Variants in SMARCB1 observed in about 807,000 individuals in gnomAD.
SMARCB1 encodes SWI/SNF-related matrix-associated actin-dependent regulator of chromatin subfamily B member 1.
In SMARCB1, 5 loss-of-function variants were observed where a neutral mutation model predicts 49.0. The observed-to-expected ratio is 0.10, with a 90% CI of 0.05 to 0.21. The LOEUF is 0.21. Among genes scored for constraint, SMARCB1 ranks in the 10% least tolerant of loss-of-function variants. The pLI, the probability that SMARCB1 is intolerant of heterozygous loss-of-function variation, is 1.00. For missense variants in SMARCB1, 226 were observed against 509.2 expected, an observed-to-expected ratio of 0.44 and a Z score of 5.35; for synonymous variants, 201 against 200.1, an observed-to-expected ratio of 1.00 and a Z score of -0.04.
intron 3 of SMARCB1, among the ~76,000 whole-genome samples, chr22:23,794,962 A>G (rs34396426): frequency 0.02 from 3,031 of 152,286 alleles, 39 homozygotes; most frequent in Non-Finnish European, 0.033. Context: ...AACAATTAAA[A>G]AACCAAGTAA....
chr22:23,816,003 G>A (rs780121953), intron 5 of SMARCB1: 1 of 152,922 alleles, frequency 6.5e-6, no homozygotes, highest in Non-Finnish European at 1.5e-5. Context: ...TTTAGGGCAG[G>A]GAGGAGATAG....
intron 3 of SMARCB1, among the ~76,000 whole-genome samples, chr22:23,799,668 A>C (rs1601400098): frequency 8.5e-6 from 1 of 117,752 alleles, no homozygotes; most frequent in Non-Finnish European, 1.8e-5. Flanking sequence ...TCCTGCCATC[A>C]CACCTGGCTA....
rs1461150197 is a variant in SMARCB1 at position 23,787,061 on chromosome 22, G to T, written c.-109G>T. On this transcript the variant is annotated 5_prime_UTR_variant, in exon 1 of 9. Coordinates refer to ENST00000644036, the MANE Select transcript of SMARCB1 (RefSeq NM_003073.5). Reference sequence around the variant, plus strand: ...GAGGCGCCAGTACCCGGCCCGGTCCGCATTTCGCCTTCCGGCTTCGGTTTC... The same window carrying T: ...GAGGCGCCAGTACCCGGCCCGGTCCTCATTTCGCCTTCCGGCTTCGGTTTC... The T allele has an allele frequency of 3.3e-5, 24 of 726,432 alleles. 1 individual carries two copies. In the South Asian group the frequency reaches 3.4e-4, roughly 10 times the overall value. 45.0% of individuals were successfully genotyped at this position (726,432 alleles called of 1,614,324 possible).
intron 5 of SMARCB1, among the ~76,000 whole-genome samples, chr22:23,809,458 G>A (rs1350262566): frequency 6.6e-6 from 1 of 151,532 alleles, no homozygotes; most frequent in African/African-American, 2.4e-5. Flanking sequence ...TGTATTTTTA[G>A]TAGAGAGGGG....
rs1348188957 is a variant in SMARCB1 at position 23,835,963 on chromosome 22, G to A, written c.*1783G>A. The A allele has an allele frequency of 1.7e-5, 17 of 985,372 alleles. No individual in the cohort carries two copies. Among genetic ancestry groups the A allele is most frequent in the Non-Finnish European group, 2.0e-5 (17 of 829,954 alleles). The allele number at this position is 985,372 out of a possible 1,614,324, so 61.0% of individuals were successfully genotyped here. On this transcript the variant is annotated 3_prime_UTR_variant, in exon 9 of 9. Coordinates refer to ENST00000644036, the MANE Select transcript of SMARCB1 (RefSeq NM_003073.5). ...CAACAGAGAACAGTGTTGTTACCATGAAAATGACAACCTGTCTTTGGAGGA... is the reference window on the plus strand; with the variant it reads ...CAACAGAGAACAGTGTTGTTACCATAAAAATGACAACCTGTCTTTGGAGGA...
chr22:23,803,540 C>T lies in SMARCB1; in HGVS notation c.628+118C>T, dbSNP rs5760032. On this transcript the variant is annotated intron_variant, in intron 5 of 8. Coordinates refer to ENST00000644036, the MANE Select transcript of SMARCB1 (RefSeq NM_003073.5). ...ATTCTGGACCTGACACGCAGGACAT[C>T]GGGGCATAGTTTTGGAGGGTGTGGG... 0.76 allele frequency: 873,189 copies of T among 1,155,022 alleles called. 335,966 individuals carry two copies. The highest frequency in any genetic ancestry group is 0.8 in the Non-Finnish European group (631,663 of 787,794). 71.5% of individuals were successfully genotyped at this position (1,155,022 alleles called of 1,614,324 possible). A position where few individuals can be genotyped will look rare whatever the true frequency, so the allele number is the denominator to read the frequency against.
At chr22:23,808,984 C>T (rs1397364937) in intron 5 of SMARCB1, among the ~76,000 whole-genome samples, 2 of 151,808 alleles carry the variant, frequency 1.3e-5, no homozygotes, top group Non-Finnish European at 2.9e-5. Flanking sequence ...AGGCGTGAGC[C>T]ACTGTGCTCG....
In SMARCB1 at chr22:23,834,507, A is replaced by G. The variant is rs1211127569; in HGVS notation, c.*327A>G. The G allele has an allele frequency of 8.7e-5, 44 of 507,766 alleles. No individual in the cohort carries two copies. Among genetic ancestry groups the G allele is most frequent in the Non-Finnish European group, 1.1e-4 (30 of 270,210 alleles). 31.5% of individuals were successfully genotyped at this position (507,766 alleles called of 1,614,324 possible). A position where few individuals can be genotyped will look rare whatever the true frequency, so the allele number is the denominator to read the frequency against. ...AATAAAAGGCAACAGGTCATGTTCA[A>G]TTTCTTCAACAGGTCATGTTCAATT... On this transcript the variant is annotated 3_prime_UTR_variant, in exon 9 of 9. Coordinates refer to ENST00000644036, the MANE Select transcript of SMARCB1 (RefSeq NM_003073.5).
At chr22:23,833,513 G>A (rs1160690154) in intron 7 of SMARCB1, 59 bp from the exon 8 acceptor site, 2 of 1,611,848 alleles carry the variant, frequency 1.2e-6, no homozygotes, top group African/African-American at 2.7e-5. Flanking sequence ...AAAGCTTTCT[G>A]AGGATTCTCC....
At chr22:23,792,174 C>T in intron 2 of SMARCB1, 3 of 443,572 alleles carry the variant, frequency 6.8e-6, no homozygotes, top group African/African-American at 2.0e-5. Flanking sequence ...GGTCTCAAAA[C>T]GTTTTAGGAA....
intron 5 of SMARCB1, among the ~76,000 whole-genome samples, chr22:23,813,601 A>G (rs542855925): frequency 6.6e-6 from 1 of 152,348 alleles, no homozygotes; most frequent in South Asian, 2.1e-4. Context: ...CTTATATACC[A>G]AAAACTATAA....
intron 6 of SMARCB1, 26 bp from the exon 7 acceptor site, chr22:23,825,199 C>G (rs767971910): frequency 2.5e-6 from 4 of 1,611,056 alleles, no homozygotes; most frequent in Admixed American, 3.3e-5. Context: ...AAAGCTCTAA[C>G]TTGTGTCCTT....
chr22:23,799,136 A>G (rs1928965537), intron 3 of SMARCB1, among the ~76,000 whole-genome samples: 1 of 151,934 alleles, frequency 6.6e-6, no homozygotes, highest in African/African-American at 2.4e-5. Flanking sequence ...TGTTGGGGTT[A>G]CACAGGGAAG....
intron 1 of SMARCB1, 111 bp downstream of exon 1, chr22:23,787,373 G>T (rs1441261114): frequency 5.3e-5 from 27 of 507,696 alleles, no homozygotes; most frequent in Middle Eastern, 4.9e-4. Flanking sequence ...GCGGGCGCGC[G>T]CGCGCGCGCT....
intron 3 of SMARCB1, among the ~76,000 whole-genome samples, chr22:23,799,785 C>T (rs1466172511): frequency 6.7e-6 from 1 of 148,530 alleles, no homozygotes; most frequent in Non-Finnish European, 1.5e-5. Flanking sequence ...CCCGGGTTCA[C>T]GCCATTCTCC....
chr22:23,791,200 A>G (rs1207131980), intron 1 of SMARCB1, among the ~76,000 whole-genome samples: 1 of 152,188 alleles, frequency 6.6e-6, no homozygotes, highest in African/African-American at 2.4e-5. Flanking sequence ...AACTGAAGCC[A>G]TTGTTTGAGT....
At chr22:23,825,615 G>A in intron 7 of SMARCB1, 200 bp downstream of exon 7, 1 of 595,728 alleles carries the variant, frequency 1.7e-6, no homozygotes, top group Non-Finnish European at 3.0e-6. Context: ...AGGGTTAGAA[G>A]CACCTAACAC....
chr22:23,804,353 C>T (rs1488313955), intron 5 of SMARCB1: 1 of 152,116 alleles, frequency 6.6e-6, no homozygotes, highest in Non-Finnish European at 1.5e-5. Flanking sequence ...TACAGGTGTG[C>T]ACCACTGTGC....
In SMARCB1 at chr22:23,834,401, C is replaced by G; in HGVS notation, c.*221C>G. 2 of 684,362 alleles carry G rather than the reference C, an allele frequency of 2.9e-6. No homozygotes were observed. Among genetic ancestry groups the G allele is most frequent in the Non-Finnish European group, 5.3e-6 (2 of 377,020 alleles). The allele number at this position is 684,362 out of a possible 1,614,324, so 42.4% of individuals were successfully genotyped here. ...CACCCTCCCTACCCCTCCCCAGTCT[C>G]TGGGGTCAGGAAGAAACCTTATTTT... On this transcript the variant is annotated 3_prime_UTR_variant, in exon 9 of 9. Transcript: ENST00000644036.
Sources: gnomAD v4.1 joint callset for allele counts (sites outside exome capture counted in the v4.1 genomes callset) on GRCh38, gnomAD v4.1.1 for gene constraint, MANE v1.5 for transcripts, NCBI Gene and HGNC (gene_info 2026-07-23, HGNC 2026-07-21) for gene names.